XKR4: variants seen among roughly 807,000 people sequenced by gnomAD.
XKR4 encodes XK related 4, also known as XK-related protein 4.
A neutral mutation model predicts 53.9 loss-of-function variants in XKR4; 12 were observed. That is an observed-to-expected ratio of 0.22 (90% CI 0.14 to 0.36). The LOEUF (loss-of-function observed/expected upper bound fraction) is 0.36. Among genes scored for constraint, XKR4 ranks in the 10% least tolerant of loss-of-function variants. The probability of loss-of-function intolerance (pLI) is 1.00; values close to 1 mark genes in which losing one functional copy is unlikely to be tolerated. For missense variants in XKR4, 799 were observed against 859.5 expected (o/e 0.93, Z 0.88); for synonymous variants, 354 against 362.4 (o/e 0.98, Z 0.26).
At chr8:55,176,673 G>A (rs1323244010) in intron 1 of XKR4, among the ~76,000 whole-genome samples, 2 of 152,114 alleles carry the variant, frequency 1.3e-5, no homozygotes, top group African/African-American at 4.8e-5. Context: ...TTTCTGTTGA[G>A]AATCATGTGT....
chr8:55,451,800 G>A, intron 2 of XKR4: 1 of 1,007,624 alleles, frequency 9.9e-7, no homozygotes, highest in African/African-American at 1.6e-5. Context: ...GATAGTCGCG[G>A]CAGCAAGCCC....
At chr8:55,218,714 C>A (rs1670505781) in intron 1 of XKR4, among the ~76,000 whole-genome samples, 1 of 152,116 alleles carries the variant, frequency 6.6e-6, no homozygotes, top group South Asian at 2.1e-4. Context: ...TCACAAGGCA[C>A]CTTTATAGCA....
intron 1 of XKR4, among the ~76,000 whole-genome samples, chr8:55,143,861 G>A (rs536489702): frequency 3.3e-5 from 5 of 152,254 alleles, no homozygotes; most frequent in South Asian, 2.1e-4. Context: ...GCCTTGTGGC[G>A]TAGGAGCCTC....
intron 2 of XKR4, chr8:55,450,115 G>A: frequency 1.4e-6 from 1 of 702,322 alleles, no homozygotes; most frequent in Non-Finnish European, 2.6e-6. Flanking sequence ...CCAGCGCTTA[G>A]CGGGTCGGCT....
intron 1 of XKR4, among the ~76,000 whole-genome samples, chr8:55,341,208 A>G (rs549365117): frequency 6.6e-6 from 1 of 152,228 alleles, no homozygotes; most frequent in Non-Finnish European, 1.5e-5. Context: ...TAGTGTGTTC[A>G]TAAGCAGGTC....
chr8:55,103,688 G>A (rs997507085), intron 1 of XKR4, among the ~76,000 whole-genome samples: 9 of 151,592 alleles, frequency 5.9e-5, no homozygotes, highest in East Asian at 1.9e-4. Context: ...TGAATTTGAG[G>A]TGTGTGTTGC....
chr8:55,426,093 G>T (rs1238316692), intron 2 of XKR4, among the ~76,000 whole-genome samples: 1 of 152,102 alleles, frequency 6.6e-6, no homozygotes, highest in Non-Finnish European at 1.5e-5. Context: ...AGCTATCTCT[G>T]GGGTGATATA....
chr8:55,251,169 G>A (rs1818357236), intron 1 of XKR4, among the ~76,000 whole-genome samples: 1 of 152,152 alleles, frequency 6.6e-6, no homozygotes, highest in South Asian at 2.1e-4. Context: ...TATGCGTGTA[G>A]GTGTATATTT....
chr8:55,494,943 C>G (rs1806320441), intron 2 of XKR4, among the ~76,000 whole-genome samples: 1 of 152,170 alleles, frequency 6.6e-6, no homozygotes, highest in Admixed American at 6.5e-5. Flanking sequence ...CAGGCACATG[C>G]CCACTTCCAC....
chr8:55,190,871 G>A (rs1351576156), intron 1 of XKR4, among the ~76,000 whole-genome samples: 1 of 152,166 alleles, frequency 6.6e-6, no homozygotes, highest in African/African-American at 2.4e-5. Flanking sequence ...AAAACAGTGT[G>A]TTTTCAGTCT....
intron 1 of XKR4, among the ~76,000 whole-genome samples, chr8:55,282,360 C>T (rs1242014872): frequency 6.6e-6 from 1 of 152,160 alleles, no homozygotes; most frequent in East Asian, 1.9e-4. Context: ...ATACCTGAGA[C>T]TGGGTGATTT....
chr8:55,389,793 C>T (rs1437393058), intron 2 of XKR4, among the ~76,000 whole-genome samples: 1 of 152,176 alleles, frequency 6.6e-6, no homozygotes, highest in Non-Finnish European at 1.5e-5. Context: ...CTTTAAGTCC[C>T]TGGCAACACA....
chr8:55,213,141 A>T (rs1817752128), intron 1 of XKR4, among the ~76,000 whole-genome samples: 1 of 152,194 alleles, frequency 6.6e-6, no homozygotes, highest in African/African-American at 2.4e-5. Flanking sequence ...AATGCAGCTA[A>T]GCAAGTCCCA....
chr8:55,142,282 A>C (rs1816716992), intron 1 of XKR4: 1 of 436,256 alleles, frequency 2.3e-6, no homozygotes, highest in African/African-American at 2.0e-5. Flanking sequence ...TCTCCTGGAT[A>C]AGGAAAGGGT....
intron 1 of XKR4, chr8:55,164,673 G>A: frequency 6.3e-6 from 2 of 315,700 alleles, no homozygotes; most frequent in Non-Finnish European, 6.3e-6. Flanking sequence ...CAGGGGGAAA[G>A]AGACCAAGAG....
rs149934264 is a variant in XKR4 at position 55,475,115 on chromosome 8, C to A, written c.1007-48166C>A. 2.0e-5 allele frequency among the ~76,000 whole-genome samples: 3 copies of A among 152,074 alleles called. No individual in the cohort carries two copies. The South Asian group carries it at 6.2e-4, about 32-fold the overall frequency. On this transcript the variant is annotated intron_variant, in intron 2 of 2. Transcript: ENST00000327381. Reference sequence around the variant, plus strand: ...ATAGTCAGTGATACTAAATAGTACACGGATACCAAGGCAGTAGGTAAGGGA... The same window carrying A: ...ATAGTCAGTGATACTAAATAGTACAAGGATACCAAGGCAGTAGGTAAGGGA...
chr8:55,308,169 C>T (rs1301970265), intron 1 of XKR4, among the ~76,000 whole-genome samples: 1 of 152,154 alleles, frequency 6.6e-6, no homozygotes, highest in Non-Finnish European at 1.5e-5. Flanking sequence ...AGGAGAATTG[C>T]TTGAACCCGG....
At chr8:55,175,717 T>C (rs1403321628) in intron 1 of XKR4, among the ~76,000 whole-genome samples, 1 of 152,254 alleles carries the variant, frequency 6.6e-6, no homozygotes, top group African/African-American at 2.4e-5. Flanking sequence ...AGCTTGATTA[T>C]GCTCTATTTT....
intron 1 of XKR4, among the ~76,000 whole-genome samples, chr8:55,268,113 A>G (rs1196624671): frequency 6.6e-6 from 1 of 152,192 alleles, no homozygotes; most frequent in African/African-American, 2.4e-5. Context: ...TATAATTATG[A>G]AAAGACATTG....
Sources: allele counts gnomAD v4.1 joint callset (sites outside exome capture counted in the v4.1 genomes callset), GRCh38; gene constraint gnomAD v4.1.1; transcripts MANE v1.5; gene names NCBI Gene and HGNC (gene_info 2026-07-23, HGNC 2026-07-21).